OPTN: variants seen among roughly 807,000 people sequenced by gnomAD.
The protein encoded by OPTN is E3-14.7K-interacting protein.
Under a neutral mutation model 70.4 loss-of-function variants are expected in OPTN, and 54 were observed. That is an observed-to-expected ratio of 0.77 (90% CI 0.62 to 0.96). OPTN has a LOEUF of 0.96. Ranked by LOEUF, OPTN falls within the 40% of genes least tolerant of loss-of-function variation. OPTN has a pLI of 0.00. For synonymous variants in OPTN, 256 were observed against 248.5 expected (o/e 1.03, Z -0.28); for missense variants, 624 against 673.2 (o/e 0.93, Z 0.81).
chr10:13,136,602 A>G, intron 14 of OPTN, 143 bp from the exon 15 acceptor site: 1 of 896,076 alleles, frequency 1.1e-6, no homozygotes, highest in South Asian at 1.5e-5. Context: ...ACTTCAGTTA[A>G]AGACCAAACA....
chr10:13,129,509 C>T (rs188621276), intron 12 of OPTN, among the ~76,000 whole-genome samples: 13 of 152,240 alleles, frequency 8.5e-5, no homozygotes, highest in African/African-American at 2.2e-4. Context: ...CACACCACCA[C>T]GCTCAGCTAA....
At chr10:13,128,219 G>A (rs939397923) in intron 12 of OPTN, among the ~76,000 whole-genome samples, 1 of 152,068 alleles carries the variant, frequency 6.6e-6, no homozygotes, top group African/African-American at 2.4e-5. Flanking sequence ...GAGTGGAGTC[G>A]CTGGATCATA....
At chr10:13,114,471 C>T (rs766644703) in intron 5 of OPTN, among the ~76,000 whole-genome samples, 18 of 151,870 alleles carry the variant, frequency 1.2e-4, no homozygotes, top group Non-Finnish European at 2.6e-4. Flanking sequence ...CCAGATGAAG[C>T]TTCTTCCTTC....
chr10:13,120,592 T>C (rs1833325870), intron 7 of OPTN, among the ~76,000 whole-genome samples: 1 of 151,962 alleles, frequency 6.6e-6, no homozygotes, highest in African/African-American at 2.4e-5. Context: ...AAAAAGAATT[T>C]TGTAGTTTCA....
chr10:13,122,329 C>T, intron 7 of OPTN, 56 bp from the exon 8 acceptor site: 1 of 1,183,948 alleles, frequency 8.4e-7, no homozygotes, highest in East Asian at 2.4e-5. Flanking sequence ...GTAATAATTG[C>T]TATTTCTCTT....
chr10:13,115,602 T>A (rs2131499782), intron 5 of OPTN, among the ~76,000 whole-genome samples: 1 of 135,856 alleles, frequency 7.4e-6, no homozygotes, highest in South Asian at 2.2e-4. Flanking sequence ...ATTATATATT[T>A]ATATAATATA....
At chr10:13,125,923 T>C (rs1368584362) in intron 10 of OPTN, 23 bp from the exon 11 acceptor site, 1 of 1,543,418 alleles carries the variant, frequency 6.5e-7, no homozygotes, top group Admixed American at 1.7e-5. Flanking sequence ...CAGGATTCCA[T>C]TTTTTAATAT....
At chr10:13,103,108 A>G (rs529319159) in intron 1 of OPTN, among the ~76,000 whole-genome samples, 4 of 152,274 alleles carry the variant, frequency 2.6e-5, no homozygotes, top group East Asian at 1.9e-4. Context: ...GTATATTACT[A>G]AAATACGAAG....
intron 5 of OPTN, among the ~76,000 whole-genome samples, chr10:13,114,866 T>A (rs1359169344): frequency 2.1e-5 from 1 of 47,020 alleles, no homozygotes; most frequent in African/African-American, 8.7e-5. Context: ...TATTCTACAA[T>A]TATATAATTG....
chr10:13,129,109 C>T (rs1428013502), intron 12 of OPTN, among the ~76,000 whole-genome samples: 2 of 152,110 alleles, frequency 1.3e-5, no homozygotes, highest in Non-Finnish European at 2.9e-5. Context: ...TTAAGATGTA[C>T]AAACCATTTG....
At chr10:13,107,785 G>A in intron 1 of OPTN, among the ~76,000 whole-genome samples, 1 of 152,126 alleles carries the variant, frequency 6.6e-6, no homozygotes, top group African/African-American at 2.4e-5. Flanking sequence ...ATGCGTGTGT[G>A]GGCCATGTGT....
At chr10:13,115,591 CATT>C (rs1400598030) in intron 5 of OPTN, among the ~76,000 whole-genome samples, 2 of 127,964 alleles carry the variant, frequency 1.6e-5, no homozygotes, top group African/African-American at 2.9e-5. Flanking sequence ...ACATATATAA[CATT>C]ATATATTTAT....
chr10:13,116,343 A>G lies in OPTN; in HGVS notation c.626+3A>G, dbSNP rs761016568. On this transcript the variant is annotated splice_donor_region_variant and intron_variant, in intron 6 of 14. Coordinates refer to ENST00000378747, the MANE Select transcript of OPTN (RefSeq NM_001008212.2). ...ACGAGAACAGTCTCCACTGGCACGT[A>G]TGTGAAGGAAGACTCGGGCTGTCAG... 6.2e-7 allele frequency: 1 copy of G among 1,610,836 alleles called. No individual in the cohort carries two copies. The highest frequency in any genetic ancestry group is 8.5e-7 in the Non-Finnish European group (1 of 1,177,056).
At chr10:13,121,712 G>A (rs922431619) in intron 7 of OPTN, among the ~76,000 whole-genome samples, 4 of 151,938 alleles carry the variant, frequency 2.6e-5, no homozygotes, top group African/African-American at 9.7e-5. Flanking sequence ...CTCAAAGGTC[G>A]GCCTTCTTGG....
At chr10:13,136,699 A>ACTGC in intron 14 of OPTN, 46 bp from the exon 15 acceptor site, 1 of 1,613,014 alleles carries the variant, frequency 6.2e-7, no homozygotes, top group Non-Finnish European at 8.5e-7. Flanking sequence ...AACAAACACA[A>ACTGC]CTGCCTGCAA....
At chr10:13,124,502 A>C (rs561555219) in intron 9 of OPTN, among the ~76,000 whole-genome samples, 1 of 152,324 alleles carries the variant, frequency 6.6e-6, no homozygotes, top group East Asian at 1.9e-4. Flanking sequence ...GGTCAATTTC[A>C]ATTTGTTATT....
chr10:13,125,929 AAT>A lies in OPTN; in HGVS notation c.1149-14_1149-13del, dbSNP rs775631821. 3 of 1,565,342 alleles carry A rather than the reference AAT, an allele frequency of 1.9e-6. No homozygotes were observed. Among genetic ancestry groups the A allele is most frequent in the South Asian group, 2.2e-5 (2 of 89,936 alleles). On this transcript the variant is annotated splice_polypyrimidine_tract_variant and intron_variant, in intron 10 of 14. Coordinates refer to ENST00000378747, the MANE Select transcript of OPTN (RefSeq NM_001008212.2). ...TATTTTCCCCAGGATTCCATTTTTT[AAT>A]ATCTTTTTTAATAGGTCCAAATTAA...
At chr10:13,105,362 C>A (rs7911161) in intron 1 of OPTN, among the ~76,000 whole-genome samples, 28,047 of 152,088 alleles carry the variant, frequency 0.18, 3,002 homozygotes, top group East Asian at 0.3. Flanking sequence ...ATATTTTTCA[C>A]AGAGTTCATA....
At chr10:13,124,953 A>T (rs1005220749) in intron 9 of OPTN, among the ~76,000 whole-genome samples, 20 of 152,230 alleles carry the variant, frequency 1.3e-4, no homozygotes, top group African/African-American at 4.1e-4. Context: ...TTTGTATTAT[A>T]TTGAAATCCT....
Sources: gnomAD v4.1 joint callset for allele counts (sites outside exome capture counted in the v4.1 genomes callset) on GRCh38, gnomAD v4.1.1 for gene constraint, MANE v1.5 for transcripts, NCBI Gene and HGNC (gene_info 2026-07-23, HGNC 2026-07-21) for gene names.